COL5A2: variants seen among roughly 807,000 people sequenced by gnomAD.
COL5A2 encodes collagen type V alpha 2 chain.
In COL5A2, 23 loss-of-function variants were observed where a neutral mutation model predicts 208.2. That is an observed-to-expected ratio of 0.11 (90% CI 0.08 to 0.16). COL5A2 has a LOEUF of 0.16. COL5A2 is among the 10% of genes least tolerant of loss of function. The pLI is 1.00. For synonymous variants in COL5A2, 625 were observed against 628.5 expected (o/e 0.99, Z 0.08); for missense variants, 1,590 against 1,956.4 (o/e 0.81, Z 3.53).
chr2:189,425,462 T>C, the COL5A2 span, among the ~76,000 whole-genome samples: 4 of 152,154 alleles, frequency 2.6e-5, no homozygotes, highest in Non-Finnish European at 5.9e-5. Context: ...CATAAACAGA[T>C]GAATAGAATT....
chr2:189,202,220 C>A (rs1689088457), intron 1 of COL5A2, among the ~76,000 whole-genome samples: 1 of 151,710 alleles, frequency 6.6e-6, no homozygotes, highest in South Asian at 2.1e-4. Flanking sequence ...ACAAAATGCA[C>A]TAAACTCCTC....
At chr2:189,437,596 T>C in the COL5A2 span, among the ~76,000 whole-genome samples, 3 of 152,326 alleles carry the variant, frequency 2.0e-5, no homozygotes, top group South Asian at 4.1e-4. Context: ...AAATGGAACA[T>C]AACCCGCTTG....
At chr2:189,269,927 A>C in the COL5A2 span, among the ~76,000 whole-genome samples, 1 of 152,184 alleles carries the variant, frequency 6.6e-6, no homozygotes, top group African/African-American at 2.4e-5. Context: ...TTATTGGTCT[A>C]TTCAGGGATT....
chr2:189,250,205 A>G, the COL5A2 span, among the ~76,000 whole-genome samples: 1 of 152,236 alleles, frequency 6.6e-6, no homozygotes, highest in African/African-American at 2.4e-5. Context: ...CTTACTGTGT[A>G]CAGAGTACAG....
chr2:189,377,789 T>C, the COL5A2 span, among the ~76,000 whole-genome samples: 4 of 152,210 alleles, frequency 2.6e-5, no homozygotes, highest in Admixed American at 6.5e-5. Flanking sequence ...AAAAGAATCA[T>C]GCATCACAGA....
At position 189,179,678 on chromosome 2, in the gene COL5A2, C is replaced by G; in HGVS notation, c.-74G>C. ...TGAGGTTATTGTAGCACCATGAAGT[C>G]AGCTGTGGGCTCTTCTTTCAGCACC... On this transcript the variant is annotated 5_prime_UTR_variant, in exon 1 of 54. Coordinates refer to ENST00000374866, the MANE Select transcript of COL5A2 (RefSeq NM_000393.5). The G allele has an allele frequency of 1.3e-6, 2 of 1,547,840 alleles. No homozygotes were observed. Among genetic ancestry groups the G allele is most frequent in the Middle Eastern group, 1.7e-4 (1 of 5,994 alleles).
chr2:189,081,480 G>A (rs889341036), intron 12 of COL5A2, among the ~76,000 whole-genome samples: 5 of 152,044 alleles, frequency 3.3e-5, no homozygotes, highest in African/African-American at 1.2e-4. Flanking sequence ...TTTATTTATG[G>A]TACACGATTA....
At chr2:189,279,301 G>A in the COL5A2 span, among the ~76,000 whole-genome samples, 3 of 151,786 alleles carry the variant, frequency 2.0e-5, no homozygotes, top group South Asian at 4.1e-4. Flanking sequence ...CTTATAAAGT[G>A]AGAGTAAAAA....
At chr2:189,061,752 A>G in intron 29 of COL5A2, 137 bp from the exon 30 acceptor site, 1 of 719,352 alleles carries the variant, frequency 1.4e-6, no homozygotes, top group Admixed American at 2.1e-5. Flanking sequence ...CAGGTAATAA[A>G]CTAGTATTAA....
chr2:189,056,902 G>A, intron 35 of COL5A2, 71 bp downstream of exon 35: 1 of 1,439,384 alleles, frequency 6.9e-7, no homozygotes, highest in South Asian at 1.1e-5. Flanking sequence ...ATTTTGGAAG[G>A]TTCAGGGAAA....
At chr2:189,176,942 G>A (rs532128532) in intron 1 of COL5A2, among the ~76,000 whole-genome samples, 1 of 152,178 alleles carries the variant, frequency 6.6e-6, no homozygotes, top group East Asian at 1.9e-4. Context: ...CAGTGAGAAT[G>A]GAACTGATTT....
chr2:189,233,214 T>G, the COL5A2 span, among the ~76,000 whole-genome samples: 35 of 151,860 alleles, frequency 2.3e-4, no homozygotes, highest in African/African-American at 7.9e-4. Context: ...ATCTGTGTCT[T>G]TTCTCTCACT....
the COL5A2 span, among the ~76,000 whole-genome samples, chr2:189,269,125 C>T: frequency 1.3e-5 from 2 of 152,070 alleles, no homozygotes; most frequent in African/African-American, 4.8e-5. Flanking sequence ...TCTCGTAATT[C>T]TTTCCATTAT....
chr2:189,138,401 T>G (rs1056912623), intron 1 of COL5A2, among the ~76,000 whole-genome samples: 3 of 152,202 alleles, frequency 2.0e-5, no homozygotes, highest in African/African-American at 7.2e-5. Flanking sequence ...AATGCTCAGA[T>G]TTCTTCTCAG....
chr2:189,310,692 T>C, the COL5A2 span, among the ~76,000 whole-genome samples: 1 of 151,326 alleles, frequency 6.6e-6, no homozygotes, highest in African/African-American at 2.4e-5. Context: ...AATAGATGAA[T>C]GGATAAAGAA....
chr2:189,115,940 T>C (rs1053833535), intron 1 of COL5A2, among the ~76,000 whole-genome samples: 1 of 152,184 alleles, frequency 6.6e-6, no homozygotes, highest in African/African-American at 2.4e-5. Flanking sequence ...ACTTGGTGGT[T>C]CTTACCAGGT....
At chr2:189,397,948 G>A in the COL5A2 span, among the ~76,000 whole-genome samples, 1 of 151,626 alleles carries the variant, frequency 6.6e-6, no homozygotes, top group East Asian at 1.9e-4. Flanking sequence ...CTCTAAACAG[G>A]GCTTTATATG....
chr2:189,252,998 G>A, the COL5A2 span, among the ~76,000 whole-genome samples: 1 of 152,172 alleles, frequency 6.6e-6, no homozygotes, highest in Admixed American at 6.5e-5. Flanking sequence ...ACTGAACATT[G>A]TTATAACCAA....
At chr2:189,077,908 G>A (rs888169545) in intron 16 of COL5A2, among the ~76,000 whole-genome samples, 1 of 152,194 alleles carries the variant, frequency 6.6e-6, no homozygotes, top group African/African-American at 2.4e-5. Flanking sequence ...TGAACTATAA[G>A]TCTGAAATAT....
Sources: allele counts gnomAD v4.1 joint callset (sites outside exome capture counted in the v4.1 genomes callset), GRCh38; gene constraint gnomAD v4.1.1; transcripts MANE v1.5; gene names NCBI Gene and HGNC (gene_info 2026-07-23, HGNC 2026-07-21).